SGMS1: variants seen among roughly 807,000 people sequenced by gnomAD.
SGMS1 encodes phosphatidylcholine:ceramide cholinephosphotransferase 1.
In SGMS1, 13 loss-of-function variants were observed where a neutral mutation model predicts 46.2. The observed-to-expected ratio is 0.28, with a 90% CI of 0.18 to 0.45. SGMS1 has a LOEUF of 0.45. Among genes scored for constraint, SGMS1 ranks in the 20% least tolerant of loss-of-function variants. The pLI, the probability that SGMS1 is intolerant of heterozygous loss-of-function variation, is 1.00. For synonymous variants in SGMS1, 203 were observed against 187.8 expected, an observed-to-expected ratio of 1.08 and a Z score of -0.66; for missense variants, 324 against 519.9, an observed-to-expected ratio of 0.62 and a Z score of 3.66.
At chr10:50,522,298 TCTTA>T (rs1837863441) in intron 2 of SGMS1, among the ~76,000 whole-genome samples, 1 of 152,124 alleles carries the variant, frequency 6.6e-6, no homozygotes, top group African/African-American at 2.4e-5. Context: ...AAAAATATTT[TCTTA>T]CTTTTATTCC....
intron 3 of SGMS1, among the ~76,000 whole-genome samples, chr10:50,503,778 C>T (rs2133761110): frequency 6.6e-6 from 1 of 152,274 alleles, no homozygotes; most frequent in South Asian, 2.1e-4. Flanking sequence ...GGTTCACTGC[C>T]CCGTGCAGAC....
intron 1 of SGMS1, among the ~76,000 whole-genome samples, chr10:50,619,979 C>G (rs1423287831): frequency 6.6e-6 from 1 of 152,194 alleles, no homozygotes; most frequent in African/African-American, 2.4e-5. Flanking sequence ...GTCTGTGGAT[C>G]TGTGTGTGAT....
intron 2 of SGMS1, among the ~76,000 whole-genome samples, chr10:50,543,803 T>C (rs1012278519): frequency 6.6e-6 from 1 of 151,934 alleles, no homozygotes; most frequent in African/African-American, 2.4e-5. Context: ...AACCAAAAGA[T>C]TTTTTTTTAC....
chr10:50,325,061 T>C (rs920011329), intron 8 of SGMS1, among the ~76,000 whole-genome samples: 2 of 152,232 alleles, frequency 1.3e-5, no homozygotes, highest in African/African-American at 4.8e-5. Context: ...TGAACACCAA[T>C]AGCATTATGG....
At chr10:50,574,774 G>A (rs749094904) in intron 2 of SGMS1, among the ~76,000 whole-genome samples, 2 of 151,878 alleles carry the variant, frequency 1.3e-5, no homozygotes. Context: ...GAAAAATGTG[G>A]TACCGTAGGA....
intron 9 of SGMS1, among the ~76,000 whole-genome samples, chr10:50,309,886 T>C (rs1383816408): frequency 6.6e-6 from 1 of 152,192 alleles, no homozygotes; most frequent in East Asian, 1.9e-4. Context: ...TTAAAGTGTC[T>C]GTCACTTCTC....
chr10:50,325,993 TA>T (rs1847524666), intron 8 of SGMS1, among the ~76,000 whole-genome samples: 1 of 151,568 alleles, frequency 6.6e-6, no homozygotes, highest in African/African-American at 2.4e-5. Context: ...TTACAGACAA[TA>T]AAAACGATGT....
chr10:50,609,339 C>A (rs940629567), intron 1 of SGMS1, among the ~76,000 whole-genome samples: 35 of 152,010 alleles, frequency 2.3e-4, no homozygotes, highest in Admixed American at 2.2e-3. Flanking sequence ...GTGATTGAAT[C>A]TGTGGTTGCA....
Position 50,311,658 on chromosome 10 carries a change from G to A in SGMS1, c.742-243C>T, listed in dbSNP as rs544512855. Among the ~76,000 whole-genome samples the A allele has an allele frequency of 3.9e-5, 6 of 152,266 alleles. No individual in the cohort carries two copies. The East Asian group carries it at 7.7e-4, about 20-fold the overall frequency. ...TCACAGTTAGCACTTTTTAAAGCACGTGTCAGTAGATGTTTCCCCAGTTTT... is the reference window on the plus strand; with the variant it reads ...TCACAGTTAGCACTTTTTAAAGCACATGTCAGTAGATGTTTCCCCAGTTTT... On this transcript the variant is annotated intron_variant, in intron 8 of 10. Coordinates refer to ENST00000361781, the MANE Select transcript of SGMS1 (RefSeq NM_147156.4).
chr10:50,418,241 T>G (rs1849205007), intron 6 of SGMS1: 1 of 152,090 alleles, frequency 6.6e-6, no homozygotes, highest in Non-Finnish European at 1.5e-5. Context: ...CCTTGATCGG[T>G]CCCGGCGGTC....
At chr10:50,607,035 G>C (rs1046480703) in intron 1 of SGMS1, among the ~76,000 whole-genome samples, 2 of 150,018 alleles carry the variant, frequency 1.3e-5, no homozygotes, top group African/African-American at 4.9e-5. Flanking sequence ...CTGAAGTGCA[G>C]TGCCATAATC....
At chr10:50,522,517 G>A (rs1837865369) in intron 2 of SGMS1, among the ~76,000 whole-genome samples, 1 of 152,086 alleles carries the variant, frequency 6.6e-6, no homozygotes. Context: ...ACAATCCCCT[G>A]TTACTTTGCA....
chr10:50,607,356 C>T (rs1252708498), intron 1 of SGMS1, among the ~76,000 whole-genome samples: 1 of 152,138 alleles, frequency 6.6e-6, no homozygotes, highest in Non-Finnish European at 1.5e-5. Context: ...TGCTTACTAA[C>T]AGTCAATGGT....
In SGMS1 at chr10:50,495,583, G is replaced by A. The variant is rs1024322812; in HGVS notation, c.-498+24248C>T. 2.0e-5 allele frequency among the ~76,000 whole-genome samples: 3 copies of A among 152,222 alleles called. No individual in the cohort carries two copies. The East Asian group carries it at 5.8e-4, about 29-fold the overall frequency. ...TAGAAGTTTATTCTACAGATGTACT[G>A]AAGAATGTGTAAAATAACGAATATA... On this transcript the variant is annotated intron_variant, in intron 3 of 10. Transcript: ENST00000361781.
intron 1 of SGMS1, among the ~76,000 whole-genome samples, chr10:50,616,378 C>T (rs1032646899): frequency 6.6e-6 from 1 of 152,162 alleles, no homozygotes; most frequent in Non-Finnish European, 1.5e-5. Flanking sequence ...TCAAGTGATC[C>T]TCCCACCTCG....
At chr10:50,589,201 G>T (rs1168185048) in intron 2 of SGMS1, among the ~76,000 whole-genome samples, 1 of 152,062 alleles carries the variant, frequency 6.6e-6, no homozygotes, top group Non-Finnish European at 1.5e-5. Context: ...TTTATATTCA[G>T]ATTTTTCTCA....
intron 1 of SGMS1, among the ~76,000 whole-genome samples, chr10:50,605,197 G>A (rs189491071): frequency 7.9e-5 from 12 of 152,248 alleles, no homozygotes; most frequent in Admixed American, 7.2e-4. Flanking sequence ...TTCTCCATTG[G>A]GCCTCCCCTA....
intron 6 of SGMS1, among the ~76,000 whole-genome samples, chr10:50,424,491 G>A (rs899541053): frequency 1.3e-5 from 2 of 152,050 alleles, no homozygotes; most frequent in Non-Finnish European, 2.9e-5. Context: ...CCTGGACATC[G>A]GCCTTGGCAA....
intron 6 of SGMS1, among the ~76,000 whole-genome samples, chr10:50,372,620 G>A (rs1848457151): frequency 6.6e-6 from 1 of 152,058 alleles, no homozygotes; most frequent in African/African-American, 2.4e-5. Flanking sequence ...GTGAACCCAG[G>A]AGGTGGAGCT....
Sources: allele counts gnomAD v4.1 joint callset (sites outside exome capture counted in the v4.1 genomes callset), GRCh38; gene constraint gnomAD v4.1.1; transcripts MANE v1.5; gene names NCBI Gene and HGNC (gene_info 2026-07-23, HGNC 2026-07-21).